MMP16: variants seen among roughly 807,000 people sequenced by gnomAD.
The protein encoded by MMP16 is matrix metallopeptidase 16.
MMP16 carries 12 observed loss-of-function variants against 67.8 expected under a neutral mutation model. The observed-to-expected ratio is 0.18, with a 90% CI of 0.11 to 0.29. The LOEUF (loss-of-function observed/expected upper bound fraction) is 0.29. MMP16 is among the 10% of genes least tolerant of loss of function. The pLI is 1.00. For synonymous variants in MMP16, 249 were observed against 255.9 expected, an observed-to-expected ratio of 0.97 and a Z score of 0.26; for missense variants, 475 against 765.7, an observed-to-expected ratio of 0.62 and a Z score of 4.48.
At chr8:88,138,558 C>T (rs946436362) in intron 4 of MMP16, among the ~76,000 whole-genome samples, 10 of 152,060 alleles carry the variant, frequency 6.6e-5, no homozygotes, top group African/African-American at 2.2e-4. Flanking sequence ...GGATCTTGGC[C>T]CCTTAATCGT....
At chr8:88,054,562 T>A (rs776544251) in intron 8 of MMP16, among the ~76,000 whole-genome samples, 37 of 152,166 alleles carry the variant, frequency 2.4e-4, no homozygotes, top group Admixed American at 2.0e-3. Context: ...AAATTTTTGT[T>A]TGATAGATCT....
intron 8 of MMP16, among the ~76,000 whole-genome samples, chr8:88,054,023 C>T (rs1808301680): frequency 6.6e-6 from 1 of 152,110 alleles, no homozygotes; most frequent in South Asian, 2.1e-4. Flanking sequence ...ATCTAACCTC[C>T]ACTGATTTCA....
chr8:88,034,330 C>A lies in MMP16; in HGVS notation c.*7131G>T, dbSNP rs1323546117. The A allele has an allele frequency of 6.6e-6, 1 of 151,812 alleles. No homozygotes were observed. Among genetic ancestry groups the A allele is most frequent in the Non-Finnish European group, 1.5e-5 (1 of 67,852 alleles). The allele number at this position is 151,812 out of a possible 1,614,324, so 9.4% of individuals were successfully genotyped here. ...ACAACTCAATAAGATGTATCTTTCC[C>A]AACCATCTGTATTTTTGGGTGAGAA... On this transcript the variant is annotated 3_prime_UTR_variant, in exon 10 of 10. Coordinates refer to ENST00000286614, the MANE Select transcript of MMP16 (RefSeq NM_005941.5).
At position 88,317,023 on chromosome 8, in the gene MMP16, G is replaced by A. The variant is rs1811385201; in HGVS notation, c.132+10052C>T. ...TTATAAAACTTTAATGAATGAGGAGGCTTCTTACAGATAAGCAAAGAGTGG... is the reference window on the plus strand; with the variant it reads ...TTATAAAACTTTAATGAATGAGGAGACTTCTTACAGATAAGCAAAGAGTGG... On this transcript the variant is annotated intron_variant, in intron 1 of 9. Transcript: ENST00000286614. Among the ~76,000 whole-genome samples the A allele has an allele frequency of 2.0e-5, 3 of 152,164 alleles. No individual in the cohort carries two copies. In the South Asian group the frequency reaches 6.2e-4, roughly 31 times the overall value.
chr8:88,105,279 A>C (rs979930925), intron 6 of MMP16, among the ~76,000 whole-genome samples: 2 of 151,390 alleles, frequency 1.3e-5, no homozygotes, highest in Admixed American at 6.6e-5. Flanking sequence ...AAAAAGGTGC[A>C]GTAGATATCT....
intron 1 of MMP16, among the ~76,000 whole-genome samples, chr8:88,326,096 G>A (rs1811533103): frequency 6.6e-6 from 1 of 151,870 alleles, no homozygotes; most frequent in African/African-American, 2.4e-5. Context: ...TCGTTTGAGA[G>A]TTCAGAGGAC....
chr8:88,116,548 T>G lies in MMP16; in HGVS notation c.1042A>C (p.Asn348His). The G allele has an allele frequency of 6.2e-7, 1 of 1,613,592 alleles. No individual in the cohort carries two copies. Among genetic ancestry groups the G allele is most frequent in the Non-Finnish European group, 8.5e-7 (1 of 1,179,826 alleles). The change falls in exon 6 of 10, where the codon AAC becomes CAC. Residue 348 changes from asparagine (N) to histidine (H), a missense_variant. Around this residue, in one of 5 missense-constraint regions of MMP16, gnomAD observed 195 missense variants for 300.9 expected, o/e 0.65. Coordinates refer to ENST00000286614, the MANE Select transcript of MMP16 (RefSeq NM_005941.5). ...AKPNICDGNFNTLAILRREMF... is the reference protein window; with the variant it reads ...AKPNICDGNFHTLAILRREMF... Reference sequence around the variant, plus strand: ...TCACGACGAAGAATAGCTAGAGTGTTAAAGTTCCCATCACAGATGTTGGGT... The same window carrying G: ...TCACGACGAAGAATAGCTAGAGTGTGAAAGTTCCCATCACAGATGTTGGGT...
chr8:88,149,339 C>T (rs1204732164), intron 4 of MMP16, among the ~76,000 whole-genome samples: 1 of 152,158 alleles, frequency 6.6e-6, no homozygotes, highest in Non-Finnish European at 1.5e-5. Flanking sequence ...CCGGGAACCT[C>T]GAACTGGGTG....
chr8:88,145,113 T>C (rs1808269954), intron 4 of MMP16, among the ~76,000 whole-genome samples: 1 of 151,978 alleles, frequency 6.6e-6, no homozygotes, highest in Non-Finnish European at 1.5e-5. Context: ...CAGTTAATGA[T>C]GGGGATAGGC....
chr8:88,268,314 C>T (rs1265023856), intron 1 of MMP16, among the ~76,000 whole-genome samples: 4 of 152,156 alleles, frequency 2.6e-5, no homozygotes, highest in Non-Finnish European at 5.9e-5. Context: ...TGCACCCTAA[C>T]CTGGGCAACA....
intron 6 of MMP16, among the ~76,000 whole-genome samples, chr8:88,099,444 C>T (rs549182177): frequency 6.6e-6 from 1 of 151,834 alleles, no homozygotes; most frequent in South Asian, 2.1e-4. Context: ...TCAAAAAATT[C>T]GTCCTAAAAT....
intron 8 of MMP16, among the ~76,000 whole-genome samples, chr8:88,053,418 A>G (rs889700352): frequency 6.6e-5 from 10 of 152,278 alleles, no homozygotes; most frequent in Admixed American, 4.6e-4. Context: ...ACTTGGATAT[A>G]CTGCTTTACC....
At chr8:88,212,243 A>C (rs1014538779) in intron 1 of MMP16, among the ~76,000 whole-genome samples, 2 of 152,180 alleles carry the variant, frequency 1.3e-5, no homozygotes, top group African/African-American at 4.8e-5. Context: ...ACACAGATTC[A>C]GGGCCTGAAT....
intron 6 of MMP16, among the ~76,000 whole-genome samples, chr8:88,078,922 A>C (rs937300854): frequency 6.6e-6 from 1 of 151,990 alleles, no homozygotes. Flanking sequence ...ACAGCATCTC[A>C]AATCTCTTTA....
At chr8:88,130,666 A>G (rs1808012797) in intron 4 of MMP16, among the ~76,000 whole-genome samples, 2 of 151,614 alleles carry the variant, frequency 1.3e-5, no homozygotes, top group Non-Finnish European at 3.0e-5. Context: ...TCTGCTGGCA[A>G]CGTGGTTAAG....
chr8:88,219,440 A>G (rs890774275), intron 1 of MMP16, among the ~76,000 whole-genome samples: 1 of 152,060 alleles, frequency 6.6e-6, no homozygotes, highest in Non-Finnish European at 1.5e-5. Flanking sequence ...CAGAGAGCCA[A>G]GAAATGTTAC....
At chr8:88,189,485 A>C (rs957065970) in intron 2 of MMP16, among the ~76,000 whole-genome samples, 3 of 152,036 alleles carry the variant, frequency 2.0e-5, no homozygotes, top group African/African-American at 7.2e-5. Flanking sequence ...AGTCTCTTCT[A>C]CCCTCAAAAT....
chr8:88,100,096 G>C (rs978591868), intron 6 of MMP16, among the ~76,000 whole-genome samples: 1 of 151,906 alleles, frequency 6.6e-6, no homozygotes, highest in Non-Finnish European at 1.5e-5. Flanking sequence ...AGTTTAATTA[G>C]ATCCCATTTG....
intron 2 of MMP16, among the ~76,000 whole-genome samples, chr8:88,193,388 T>A (rs181993237): frequency 7.0e-4 from 106 of 152,056 alleles, no homozygotes; most frequent in East Asian, 3.3e-3. Flanking sequence ...AAGAACTTCA[T>A]GGAGACAGAG....
Sources: gnomAD v4.1 joint callset for allele counts (sites outside exome capture counted in the v4.1 genomes callset) on GRCh38, gnomAD v4.1.1 for gene constraint, gnomAD v4.1.1 regional missense constraint, MANE v1.5 for transcripts, NCBI Gene and HGNC (gene_info 2026-07-23, HGNC 2026-07-21) for gene names.